The following PCDH15 variants were observed in gnomAD, a reference collection of about 807,000 sequenced individuals.
The protein encoded by PCDH15 is protocadherin-15.
A neutral mutation model predicts 178.5 loss-of-function variants in PCDH15; 129 were observed. The observed-to-expected ratio is 0.72, with a 90% CI of 0.63 to 0.84. The LOEUF (loss-of-function observed/expected upper bound fraction) is 0.84. Among genes scored for constraint, PCDH15 ranks in the 40% least tolerant of loss-of-function variants. PCDH15 has a pLI of 0.00. For synonymous variants in PCDH15, 800 were observed against 732.0 expected, an observed-to-expected ratio of 1.09 and a Z score of -1.50; for missense variants, 2,230 against 2,099.9, an observed-to-expected ratio of 1.06 and a Z score of -1.21.
intron 3 of PCDH15, among the ~76,000 whole-genome samples, chr10:54,390,400 C>T (rs749113628): frequency 3.9e-5 from 6 of 152,164 alleles, no homozygotes; most frequent in Non-Finnish European, 8.8e-5. Flanking sequence ...TCACGCCATT[C>T]TTCTGCCTCA....
intron 11 of PCDH15, among the ~76,000 whole-genome samples, chr10:54,190,572 T>A (rs984077058): frequency 1.3e-5 from 2 of 152,050 alleles, no homozygotes; most frequent in Non-Finnish European, 2.9e-5. Context: ...CTGGCTAAGT[T>A]TTTTGTTTAT....
At chr10:54,396,186 C>T (rs1386168213) in intron 3 of PCDH15, among the ~76,000 whole-genome samples, 2 of 152,162 alleles carry the variant, frequency 1.3e-5, no homozygotes, top group African/African-American at 2.4e-5. Context: ...GAGGAATCTA[C>T]ATTAACAAGC....
At position 55,335,168 on chromosome 10, in the gene PCDH15, T is replaced by C. The variant is rs76888773; in HGVS notation, c.-155-168517A>G. On this transcript the variant is annotated intron_variant, in intron 2 of 5. Transcript: ENST00000613346. ...ACCCAGAAGTGCAGCTTTTTCAATT[T>C]CTTCTTCCTTTCAACTTATAGATAA... Among the ~76,000 whole-genome samples the C allele has an allele frequency of 5.9e-5, 9 of 152,304 alleles. No homozygotes were observed. The East Asian group carries it at 9.7e-4, about 16-fold the overall frequency.
chr10:54,284,682 A>G (rs1467565526), intron 8 of PCDH15, among the ~76,000 whole-genome samples: 3 of 152,212 alleles, frequency 2.0e-5, no homozygotes, highest in African/African-American at 7.2e-5. Context: ...AGAGCTGCCC[A>G]TTGTGGTCAA....
intron 25 of PCDH15, among the ~76,000 whole-genome samples, chr10:53,904,291 AC>A (rs1346866183): frequency 6.6e-6 from 1 of 152,196 alleles, no homozygotes; most frequent in East Asian, 1.9e-4. Context: ...CAATTAACGT[AC>A]ATACTATTTA....
chr10:54,022,557 G>T (rs2092956329), intron 19 of PCDH15, among the ~76,000 whole-genome samples: 1 of 152,052 alleles, frequency 6.6e-6, no homozygotes, highest in South Asian at 2.1e-4. Flanking sequence ...CAATGTGGGA[G>T]ATTATTAACT....
chr10:54,300,882 C>T (rs1054298856), intron 8 of PCDH15, among the ~76,000 whole-genome samples: 3 of 152,146 alleles, frequency 2.0e-5, no homozygotes, highest in African/African-American at 7.2e-5. Context: ...AGCTGGCCAC[C>T]TGAGCTGGCA....
intron 3 of PCDH15, among the ~76,000 whole-genome samples, chr10:54,820,884 G>T (rs537098597): frequency 6.6e-6 from 1 of 151,960 alleles, no homozygotes; most frequent in South Asian, 2.1e-4. Context: ...AAAATCTTAA[G>T]AATTTTATGA....
intron 2 of PCDH15, among the ~76,000 whole-genome samples, chr10:54,945,481 T>C (rs1406055143): frequency 6.6e-6 from 1 of 151,718 alleles, no homozygotes; most frequent in Non-Finnish European, 1.5e-5. Flanking sequence ...TGGTGTTTTT[T>C]TGATGTTGTG....
intron 9 of PCDH15, among the ~76,000 whole-genome samples, chr10:54,231,626 A>G (rs2054086244): frequency 6.6e-6 from 1 of 152,212 alleles, no homozygotes; most frequent in Non-Finnish European, 1.5e-5. Flanking sequence ...AGGCACAAGC[A>G]CCAAACACCA....
chr10:54,588,873 C>G (rs1391062934), intron 2 of PCDH15, among the ~76,000 whole-genome samples: 1 of 152,044 alleles, frequency 6.6e-6, no homozygotes, highest in Non-Finnish European at 1.5e-5. Context: ...CACACCTGGA[C>G]TGATGTGCCA....
intron 20 of PCDH15, among the ~76,000 whole-genome samples, chr10:54,006,727 A>G (rs1049878447): frequency 2.6e-5 from 4 of 152,138 alleles, no homozygotes; most frequent in African/African-American, 9.7e-5. Flanking sequence ...ATGGGGTAGC[A>G]ATATTTCTTT....
intron 3 of PCDH15, among the ~76,000 whole-genome samples, chr10:54,400,771 A>G (rs1951830624): frequency 6.6e-6 from 1 of 152,008 alleles, no homozygotes; most frequent in South Asian, 2.1e-4. Flanking sequence ...GATTTCTTCC[A>G]GATATCTACC....
chr10:53,809,810 T>A lies in PCDH15; in HGVS notation c.4671+746A>T, dbSNP rs553577346. On this transcript the variant is annotated intron_variant, in intron 37 of 37. Transcript: ENST00000644397. ...CTTGTTACTCAACGTTTAATTTTCC[T>A]CTTAGATCAAATAAAAAAGAAAGAA... Among the ~76,000 whole-genome samples the A allele has an allele frequency of 2.6e-5, 4 of 152,316 alleles. No individual in the cohort carries two copies. The East Asian group carries it at 7.7e-4, about 29-fold the overall frequency.
chr10:54,639,010 G>C (rs534016627), intron 2 of PCDH15, among the ~76,000 whole-genome samples: 5 of 152,128 alleles, frequency 3.3e-5, no homozygotes, highest in Admixed American at 3.3e-4. Context: ...GATATACAGA[G>C]TGATATAATA....
intron 2 of PCDH15, among the ~76,000 whole-genome samples, chr10:55,614,113 C>CAA (rs34985733): frequency 7.1e-6 from 1 of 141,294 alleles, no homozygotes. Flanking sequence ...GACTCCATCT[C>CAA]AAAAAAAAAA....
At chr10:55,126,302 A>G (rs917522683) in intron 2 of PCDH15, among the ~76,000 whole-genome samples, 1 of 152,156 alleles carries the variant, frequency 6.6e-6, no homozygotes, top group Non-Finnish European at 1.5e-5. Context: ...GATGATGAAT[A>G]ACCCATAGTC....
At chr10:54,133,085 T>A (rs1293466943) in intron 14 of PCDH15, 78 bp from the exon 15 acceptor site, 2 of 1,594,656 alleles carry the variant, frequency 1.3e-6, no homozygotes, top group Non-Finnish European at 1.7e-6. Context: ...TTTATTCAGT[T>A]GTTGGGTTTA....
chr10:54,691,966 A>G (rs1328942065), intron 1 of PCDH15, among the ~76,000 whole-genome samples: 1 of 152,190 alleles, frequency 6.6e-6, no homozygotes, highest in Non-Finnish European at 1.5e-5. Context: ...ACAAGGAAGA[A>G]AAGGATATAT....
Sources: gnomAD v4.1 joint callset for allele counts (sites outside exome capture counted in the v4.1 genomes callset) on GRCh38, gnomAD v4.1.1 for gene constraint, MANE v1.5 for transcripts, NCBI Gene and HGNC (gene_info 2026-07-23, HGNC 2026-07-21) for gene names.